TBC1D1: variants seen among roughly 807,000 people sequenced by gnomAD.
The protein encoded by TBC1D1 is TBC1 domain family member 1, also known as TBC1 (tre-2/USP6, BUB2, cdc16) domain family, member 1.
A neutral mutation model predicts 125.6 loss-of-function variants in TBC1D1; 89 were observed. The ratio of observed to expected loss-of-function variants is 0.71; its 90% CI spans 0.60 to 0.85. The LOEUF is 0.85. TBC1D1 is among the 40% of genes least tolerant of loss of function. TBC1D1 has a pLI of 0.00. For missense variants in TBC1D1, 1,377 were observed against 1,469.2 expected, an observed-to-expected ratio of 0.94 and a Z score of 1.03; for synonymous variants, 565 against 564.1, an observed-to-expected ratio of 1.00 and a Z score of -0.02.
At chr4:38,131,295 G>C (rs1765545899) in intron 18 of TBC1D1, among the ~76,000 whole-genome samples, 1 of 151,984 alleles carries the variant, frequency 6.6e-6, no homozygotes, top group South Asian at 2.1e-4. Context: ...CTTTGTGAAA[G>C]AAAAAAAGTA....
Position 38,125,137 on chromosome 4 carries a change from A to T in TBC1D1, c.3132+6A>T. 6.2e-7 allele frequency: 1 copy of T among 1,613,820 alleles called. No homozygotes were observed. The highest frequency in any genetic ancestry group is 8.5e-7 in the Non-Finnish European group (1 of 1,179,846). ...TGGAAAAGACCATCAATCAGGTATG[A>T]GTCAGTCCAAACCTTGCAAATGCTT... On this transcript the variant is annotated splice_donor_region_variant and intron_variant, in intron 18 of 19. Transcript: ENST00000261439.
At chr4:38,082,810 T>C (rs2152527233) in intron 12 of TBC1D1, among the ~76,000 whole-genome samples, 1 of 152,340 alleles carries the variant, frequency 6.6e-6, no homozygotes, top group East Asian at 1.9e-4. Flanking sequence ...TGGTCTTCAG[T>C]GCTCCTCTGA....
intron 12 of TBC1D1, among the ~76,000 whole-genome samples, chr4:38,074,222 C>T (rs1306828300): frequency 1.3e-5 from 2 of 152,174 alleles, no homozygotes; most frequent in Admixed American, 1.3e-4. Context: ...TACTGAAAAG[C>T]AGGCATTGGG....
Position 37,891,322 on chromosome 4 carries a change from CCGGGCTCTGAGCGCGCCGCG to C in TBC1D1, c.-119_-100del, listed in dbSNP as rs1460127438. On this transcript the variant is annotated 5_prime_UTR_variant, in exon 1 of 20. The change abolishes the stop of an existing upstream ORF in the 5' untranslated region. Coordinates refer to ENST00000261439, the MANE Select transcript of TBC1D1 (RefSeq NM_015173.4). ...AGCACCTGCGCGTCCCGGCCCGGCC[CCGGGCTCTGAGCGCGCCGCG>C]GCACAGGTAAGGCGCTTCCTGGGGC... 1 of 152,408 alleles carries C rather than the reference CCGGGCTCTGAGCGCGCCGCG, an allele frequency of 6.6e-6. No individual in the cohort carries two copies. Among genetic ancestry groups the C allele is most frequent in the African/African-American group, 2.4e-5 (1 of 41,434 alleles). The allele number at this position is 152,408 out of a possible 1,614,324, so 9.4% of individuals were successfully genotyped here.
chr4:38,010,461 C>T (rs1484715759), intron 2 of TBC1D1, among the ~76,000 whole-genome samples: 1 of 152,164 alleles, frequency 6.6e-6, no homozygotes, highest in Admixed American at 6.5e-5. Flanking sequence ...CTGCTCATGT[C>T]CAGCTTAGAC....
At chr4:38,094,295 C>T (rs1220603018) in intron 13 of TBC1D1, among the ~76,000 whole-genome samples, 1 of 152,214 alleles carries the variant, frequency 6.6e-6, no homozygotes, top group Admixed American at 6.5e-5. Flanking sequence ...TGAACGTTAT[C>T]ACAAAGTCCA....
rs115213932 is a variant in TBC1D1 at position 38,121,189 on chromosome 4, T to C, written c.2962+2997T>C. ...CAGCGTCCCCTTTACCCGTTACTCA[T>C]AGAATGTAGCGGAGCCACGACTGGA... is the stretch of plus-strand genomic sequence containing the variant. On this transcript the variant is annotated intron_variant, in intron 17 of 19. Coordinates refer to ENST00000261439, the MANE Select transcript of TBC1D1 (RefSeq NM_015173.4). Among the ~76,000 whole-genome samples the C allele has an allele frequency of 9.9e-3, 1,508 of 152,216 alleles. 21 individuals are homozygous for C. The highest frequency in any genetic ancestry group is 0.034 in the African/African-American group (1,411 of 41,520).
chr4:37,908,515 T>C (rs1380928458), intron 2 of TBC1D1, among the ~76,000 whole-genome samples: 1 of 152,162 alleles, frequency 6.6e-6, no homozygotes, highest in Non-Finnish European at 1.5e-5. Context: ...CCACGCCAAA[T>C]GTTTTTTAAC....
At chr4:38,064,870 G>T (rs1218645428) in intron 12 of TBC1D1, among the ~76,000 whole-genome samples, 1 of 151,330 alleles carries the variant, frequency 6.6e-6, no homozygotes, top group Non-Finnish European at 1.5e-5. Flanking sequence ...CGATTCACCT[G>T]CCTCGGCCTC....
chr4:38,045,635 T>G (rs1473506308), intron 9 of TBC1D1, among the ~76,000 whole-genome samples, 182 bp from the exon 10 acceptor site: 1 of 152,244 alleles, frequency 6.6e-6, no homozygotes, highest in Non-Finnish European at 1.5e-5. Flanking sequence ...GGTTAGTGTC[T>G]TATTTATTTT....
At chr4:38,133,701 C>T (rs1447621177) in intron 19 of TBC1D1, among the ~76,000 whole-genome samples, 2 of 152,230 alleles carry the variant, frequency 1.3e-5, no homozygotes, top group Non-Finnish European at 2.9e-5. Context: ...GATGATAATT[C>T]TTTGTGAGTC....
chr4:37,976,415 T>C (rs755315468), intron 2 of TBC1D1, among the ~76,000 whole-genome samples: 4 of 152,242 alleles, frequency 2.6e-5, no homozygotes, highest in Non-Finnish European at 5.9e-5. Context: ...CTTCTCAGTT[T>C]TGGGGTAACT....
chr4:38,001,752 G>A (rs906837767), intron 2 of TBC1D1, among the ~76,000 whole-genome samples: 9 of 152,090 alleles, frequency 5.9e-5, no homozygotes, highest in Non-Finnish European at 1.0e-4. Flanking sequence ...TTATTATATC[G>A]CGATATCATG....
chr4:38,065,961 C>G (rs1000126685), intron 12 of TBC1D1, among the ~76,000 whole-genome samples: 1 of 152,196 alleles, frequency 6.6e-6, no homozygotes, highest in African/African-American at 2.4e-5. Context: ...TACTGCCCAT[C>G]TTTTAAGAGA....
intron 2 of TBC1D1, among the ~76,000 whole-genome samples, chr4:37,954,908 A>G (rs1225915033): frequency 9.1e-5 from 3 of 32,964 alleles, no homozygotes; most frequent in Non-Finnish European, 9.6e-5. Flanking sequence ...TTTTTTTGAG[A>G]CGGAGTCTCT....
At chr4:37,936,102 C>T (rs935836555) in intron 2 of TBC1D1, among the ~76,000 whole-genome samples, 2 of 152,156 alleles carry the variant, frequency 1.3e-5, no homozygotes, top group East Asian at 1.9e-4. Context: ...ACCGCTTAGA[C>T]GTGCAGTGGT....
At chr4:37,984,127 A>G (rs1179477777) in intron 2 of TBC1D1, among the ~76,000 whole-genome samples, 2 of 152,036 alleles carry the variant, frequency 1.3e-5, no homozygotes, top group Non-Finnish European at 1.5e-5. Flanking sequence ...GAATCATATT[A>G]ATTGCCTGGA....
At chr4:38,083,136 A>G (rs1193975535) in intron 12 of TBC1D1, among the ~76,000 whole-genome samples, 1 of 152,014 alleles carries the variant, frequency 6.6e-6, no homozygotes, top group Non-Finnish European at 1.5e-5. Flanking sequence ...GTGGCCTTTC[A>G]TGTGTGTCTG....
chr4:37,954,011 G>A (rs1250866464), intron 2 of TBC1D1, among the ~76,000 whole-genome samples: 2 of 152,142 alleles, frequency 1.3e-5, no homozygotes, highest in African/African-American at 4.8e-5. Flanking sequence ...ATTAAACTCT[G>A]GTCTAGAAAA....
Sources: gnomAD v4.1 joint callset for allele counts (sites outside exome capture counted in the v4.1 genomes callset) on GRCh38, gnomAD v4.1.1 for gene constraint, MANE v1.5 for transcripts, NCBI Gene and HGNC (gene_info 2026-07-23, HGNC 2026-07-21) for gene names.